CDC16: variants seen among roughly 807,000 people sequenced by gnomAD.
CDC16 encodes cell division cycle protein 16 homolog.
In CDC16, 34 loss-of-function variants were observed where a neutral mutation model predicts 87.0. The observed-to-expected ratio is 0.39, with a 90% CI of 0.30 to 0.52. The LOEUF is 0.52. CDC16 is among the 20% of genes least tolerant of loss of function. The pLI, the probability that CDC16 is intolerant of heterozygous loss-of-function variation, is 0.74. For synonymous variants in CDC16, 263 were observed against 260.6 expected (o/e 1.01, Z -0.09); for missense variants, 653 against 751.9 (o/e 0.87, Z 1.54).
At chr13:114,267,187 C>A (rs2083281441) in intron 17 of CDC16, among the ~76,000 whole-genome samples, 1 of 152,118 alleles carries the variant, frequency 6.6e-6, no homozygotes, top group African/African-American at 2.4e-5. Context: ...GAGAATATCT[C>A]TTCAAAAGAA....
At chr13:114,236,622 C>CTTTTT in intron 1 of CDC16, 23 bp from the exon 2 acceptor site, 1 of 1,407,326 alleles carries the variant, frequency 7.1e-7, no homozygotes, top group Admixed American at 1.9e-5. Flanking sequence ...CAGTTACCAC[C>CTTTTT]TTTTTTTTTT....
intron 5 of CDC16, 146 bp from the exon 6 acceptor site, chr13:114,241,975 A>G (rs753418366): frequency 1.6e-5 from 13 of 828,842 alleles, no homozygotes; most frequent in Non-Finnish European, 2.4e-5. Flanking sequence ...ATTTGAGATC[A>G]TAGGAGTTCA....
chr13:114,262,873 C>A lies in CDC16; in HGVS notation c.1377-6C>A, dbSNP rs751514479. The A allele has an allele frequency of 6.2e-7, 1 of 1,614,078 alleles. No individual in the cohort carries two copies. The highest frequency in any genetic ancestry group is 1.1e-5 in the South Asian group (1 of 91,086). Reference sequence around the variant, plus strand: ...CTGTAGCCAATAATTGTGTTCTCTCCCACAGAAAGTATGCTGAGGCCTTGG... The same window carrying A: ...CTGTAGCCAATAATTGTGTTCTCTCACACAGAAAGTATGCTGAGGCCTTGG... On this transcript the variant is annotated splice_polypyrimidine_tract_variant and splice_region_variant and intron_variant, in intron 15 of 17. Coordinates refer to ENST00000356221, the MANE Select transcript of CDC16 (RefSeq NM_001078645.3).
chr13:114,240,180 C>G (rs948047152), intron 5 of CDC16, among the ~76,000 whole-genome samples: 13 of 152,058 alleles, frequency 8.5e-5, no homozygotes, highest in African/African-American at 3.1e-4. Context: ...TAAGCCTTAC[C>G]TGACCTACCA....
intron 13 of CDC16, among the ~76,000 whole-genome samples, chr13:114,257,516 G>A (rs1417510194): frequency 6.6e-6 from 1 of 152,170 alleles, no homozygotes; most frequent in Non-Finnish European, 1.5e-5. Context: ...TGGGGGCACT[G>A]TGGAATCCTT....
In CDC16 at chr13:114,242,450, A is replaced by C. The variant is rs1025421071; in HGVS notation, c.541+170A>C. ...AGCACGTTGCAGAATGCAGTATTGT[A>C]CGGTGCCTTGTGCTGTCCGAATCTA... is the stretch of plus-strand genomic sequence containing the variant. On this transcript the variant is annotated intron_variant, in intron 6 of 17. Transcript: ENST00000356221. 2.2e-5 allele frequency: 14 copies of C among 629,328 alleles called. No individual in the cohort carries two copies. The African/African-American group carries it at 2.6e-4, about 12-fold the overall frequency. The allele number at this position is 629,328 out of a possible 1,614,324, so 39.0% of individuals were successfully genotyped here.
chr13:114,237,192 C>T (rs142542624), intron 3 of CDC16, among the ~76,000 whole-genome samples: 1 of 150,934 alleles, frequency 6.6e-6, no homozygotes, highest in Non-Finnish European at 1.5e-5. Context: ...CATTGCACTC[C>T]AGCCTGGACA....
intron 10 of CDC16, 61 bp downstream of exon 10, chr13:114,246,110 T>C (rs2081856828): frequency 4.0e-6 from 3 of 742,528 alleles, no homozygotes; most frequent in African/African-American, 1.8e-5. Flanking sequence ...AAGAAAATGC[T>C]TAACTCGTAT....
chr13:114,262,733 A>G, intron 15 of CDC16, 146 bp from the exon 16 acceptor site: 1 of 753,816 alleles, frequency 1.3e-6, no homozygotes, highest in South Asian at 1.7e-5. Flanking sequence ...GAGATGCATG[A>G]GAGTAGGTGT....
intron 9 of CDC16, 59 bp downstream of exon 9, chr13:114,245,028 CT>C (rs1383708627): frequency 1.2e-5 from 12 of 1,039,230 alleles, no homozygotes; most frequent in Non-Finnish European, 1.7e-5. Flanking sequence ...TTTTCTGTAA[CT>C]TGAAATTTTG....
chr13:114,240,849 A>G (rs901632904), intron 5 of CDC16, among the ~76,000 whole-genome samples: 1 of 152,086 alleles, frequency 6.6e-6, no homozygotes, highest in Non-Finnish European at 1.5e-5. Flanking sequence ...TGGTACAGTC[A>G]TTATTTTGGG....
At chr13:114,250,990 A>G (rs996427736) in intron 12 of CDC16, among the ~76,000 whole-genome samples, 2 of 152,182 alleles carry the variant, frequency 1.3e-5, no homozygotes, top group Admixed American at 6.5e-5. Context: ...CAAAATTATT[A>G]TATCTTATCT....
At position 114,235,426 on chromosome 13, in the gene CDC16, ACTC is replaced by A. The variant is rs1326729187; in HGVS notation, c.48+295_48+297del. The stretch of plus-strand genomic sequence containing the variant: ...AGGAGGTGCCCAGGAAACACTGACT[ACTC>A]AGTGCAAGTTGAAGGACAATTTTTG... On this transcript the variant is annotated intron_variant, in intron 1 of 17. Coordinates refer to ENST00000356221, the MANE Select transcript of CDC16 (RefSeq NM_001078645.3). 7.2e-5 allele frequency among the ~76,000 whole-genome samples: 11 copies of A among 152,294 alleles called. No individual in the cohort carries two copies. In the South Asian group the frequency reaches 2.3e-3, roughly 32 times the overall value.
chr13:114,234,956 C>CT lies in CDC16; in HGVS notation c.-129_-128insT. On this transcript the variant is annotated 5_prime_UTR_variant, in exon 1 of 18. Coordinates refer to ENST00000356221, the MANE Select transcript of CDC16 (RefSeq NM_001078645.3). ...GGTGGGGACCTGCGGCCTTCGAGTC[C>CT]GCGGCCTTCGAGTCCTGGGGCGGCG... 1.6e-6 allele frequency: 1 copy of CT among 610,628 alleles called. No homozygotes were observed. Among genetic ancestry groups the CT allele is most frequent in the Admixed American group, 4.5e-5 (1 of 22,052 alleles). The allele number at this position is 610,628 out of a possible 1,614,324, so 37.8% of individuals were successfully genotyped here. A position where few individuals can be genotyped will look rare whatever the true frequency, so the allele number is the denominator to read the frequency against.
In CDC16 at chr13:114,244,932, A is replaced by T; in HGVS notation, c.810A>T (p.Val270=). ...KDPFHASCLP[V]HIGTLVELNK... is the part of the protein sequence containing the mutation. ...CTTTCCATGCAAGTTGTTTACCTGT[A>T]CATATAGGGACGCTTGTAGAGCTGA... Residue 270 remains valine, a synonymous_variant, in exon 9 of 18, where the codon GTA becomes GTT. Coordinates refer to ENST00000356221, the MANE Select transcript of CDC16 (RefSeq NM_001078645.3). 1 of 1,610,410 alleles carries T rather than the reference A, an allele frequency of 6.2e-7. No homozygotes were observed. The highest frequency in any genetic ancestry group is 2.2e-5 in the East Asian group (1 of 44,736).
chr13:114,253,874 A>G (rs2082343896), intron 12 of CDC16, among the ~76,000 whole-genome samples: 1 of 152,066 alleles, frequency 6.6e-6, no homozygotes, highest in Non-Finnish European at 1.5e-5. Flanking sequence ...TATTCTCTGC[A>G]TTATTGCAAG....
chr13:114,235,150 G>C lies in CDC16; in HGVS notation c.48+18G>C, dbSNP rs746202097. 1.3e-4 allele frequency: 161 copies of C among 1,240,166 alleles called. No homozygotes were observed. The highest frequency in any genetic ancestry group is 1.6e-4 in the Non-Finnish European group (160 of 991,210). 76.8% of individuals were successfully genotyped at this position (1,240,166 alleles called of 1,614,324 possible). A position where few individuals can be genotyped will look rare whatever the true frequency, so the allele number is the denominator to read the frequency against. The stretch of plus-strand genomic sequence containing the variant: ...TCGACCAGGTGGGCGGCCCCGACTC[G>C]GGGTGCGGGGCCCAGGCCTCGCCGG... On this transcript the variant is annotated intron_variant, in intron 1 of 17. Coordinates refer to ENST00000356221, the MANE Select transcript of CDC16 (RefSeq NM_001078645.3).
intron 17 of CDC16, among the ~76,000 whole-genome samples, chr13:114,266,151 A>G (rs1223528223): frequency 6.6e-6 from 1 of 152,128 alleles, no homozygotes; most frequent in Non-Finnish European, 1.5e-5. Context: ...ATTTCCCCCA[A>G]AGTCAAAAAG....
At chr13:114,236,602 A>G in intron 1 of CDC16, 43 bp from the exon 2 acceptor site, 1 of 1,579,538 alleles carries the variant, frequency 6.3e-7, no homozygotes, top group East Asian at 2.2e-5. Context: ...AGACTATTAA[A>G]ATAACAGGGC....
Sources: allele counts gnomAD v4.1 joint callset (sites outside exome capture counted in the v4.1 genomes callset), GRCh38; gene constraint gnomAD v4.1.1; transcripts MANE v1.5; gene names NCBI Gene and HGNC (gene_info 2026-07-23, HGNC 2026-07-21).